PIK3CB: variants seen among roughly 807,000 people sequenced by gnomAD.
The protein encoded by PIK3CB is phosphatidylinositol 4,5-bisphosphate 3-kinase catalytic subunit beta isoform.
Under a neutral mutation model 136.8 loss-of-function variants are expected in PIK3CB, and 39 were observed. That is an observed-to-expected ratio of 0.29 (90% CI 0.22 to 0.37). The LOEUF (loss-of-function observed/expected upper bound fraction) is 0.37. Among genes scored for constraint, PIK3CB ranks in the 10% least tolerant of loss-of-function variants. The probability of loss-of-function intolerance (pLI) is 1.00; values close to 1 mark genes in which losing one functional copy is unlikely to be tolerated. For synonymous variants in PIK3CB, 428 were observed against 436.6 expected (o/e 0.98, Z 0.25); for missense variants, 868 against 1,275.4 (o/e 0.68, Z 4.87).
intron 1 of PIK3CB, among the ~76,000 whole-genome samples, chr3:138,814,508 C>T (rs1014881576): frequency 2.0e-5 from 3 of 151,738 alleles, no homozygotes; most frequent in African/African-American, 7.3e-5. Flanking sequence ...TCTTGGGTTT[C>T]AGTATCAGCC....
chr3:138,684,869 TATCA>T (rs2043851324), intron 16 of PIK3CB, 66 bp from the exon 17 acceptor site: 1 of 1,126,924 alleles, frequency 8.9e-7, no homozygotes, highest in Non-Finnish European at 1.3e-6. Context: ...CATGTGATCA[TATCA>T]ATCAATAACA....
At chr3:138,726,048 T>C (rs1263550816) in intron 8 of PIK3CB, among the ~76,000 whole-genome samples, 4 of 152,254 alleles carry the variant, frequency 2.6e-5, no homozygotes, top group African/African-American at 9.6e-5. Context: ...TTCTGTGAGC[T>C]ACAGTTCCGA....
intron 19 of PIK3CB, among the ~76,000 whole-genome samples, chr3:138,674,917 G>A (rs1464687567): frequency 6.6e-6 from 1 of 152,112 alleles, no homozygotes; most frequent in East Asian, 1.9e-4. Flanking sequence ...TTAGCCAGGA[G>A]TTGTAGTGGC....
At chr3:138,797,632 A>G (rs1350676783) in intron 1 of PIK3CB, among the ~76,000 whole-genome samples, 1 of 152,202 alleles carries the variant, frequency 6.6e-6, no homozygotes, top group African/African-American at 2.4e-5. Flanking sequence ...AAAAGTAAGA[A>G]AATTGGTGAA....
chr3:138,760,480 T>G (rs538999465), intron 2 of PIK3CB, among the ~76,000 whole-genome samples: 1 of 152,202 alleles, frequency 6.6e-6, no homozygotes, highest in African/African-American at 2.4e-5. Flanking sequence ...AATAGTGCCA[T>G]TTAAGTCTTA....
intron 1 of PIK3CB, among the ~76,000 whole-genome samples, chr3:138,830,251 T>C (rs554351017): frequency 2.0e-5 from 3 of 152,228 alleles, no homozygotes; most frequent in South Asian, 2.1e-4. Context: ...AGCCAAATTC[T>C]ATAAATAAAA....
chr3:138,752,685 G>A lies in PIK3CB; in HGVS notation c.397+3069C>T, dbSNP rs550362782. Among the ~76,000 whole-genome samples, 4 of 151,646 alleles carry A rather than the reference G, an allele frequency of 2.6e-5. No homozygotes were observed. In the South Asian group the frequency reaches 8.4e-4, roughly 32 times the overall value. On this transcript the variant is annotated intron_variant, in intron 4 of 23. Coordinates refer to ENST00000674063, the MANE Select transcript of PIK3CB (RefSeq NM_006219.3). ...AAAGGCGCCACTATGCTCCAGAGTG[G>A]GTGATAGAGTGAGACCTCGTCTCAA...
chr3:138,714,026 C>T (rs1027230141), intron 9 of PIK3CB, among the ~76,000 whole-genome samples: 1 of 152,140 alleles, frequency 6.6e-6, no homozygotes, highest in Non-Finnish European at 1.5e-5. Flanking sequence ...CACATTTATG[C>T]CCCAGACCCC....
At chr3:138,732,994 T>C (rs1026156109) in intron 8 of PIK3CB, among the ~76,000 whole-genome samples, 7 of 151,502 alleles carry the variant, frequency 4.6e-5, no homozygotes, top group African/African-American at 1.7e-4. Flanking sequence ...TCTAGAATTA[T>C]TCAACCAAGA....
chr3:138,767,708 C>T (rs2045751746), intron 2 of PIK3CB, among the ~76,000 whole-genome samples: 1 of 152,200 alleles, frequency 6.6e-6, no homozygotes, highest in Admixed American at 6.5e-5. Context: ...CAGGCAGCTC[C>T]AGGTGCCAGT....
At chr3:138,811,884 T>C (rs1029898943) in intron 1 of PIK3CB, among the ~76,000 whole-genome samples, 2 of 150,804 alleles carry the variant, frequency 1.3e-5, no homozygotes, top group Non-Finnish European at 3.0e-5. Context: ...AGCCCAGGAG[T>C]TCAAGACCAG....
chr3:138,803,794 T>C (rs1400266), intron 1 of PIK3CB, among the ~76,000 whole-genome samples: 51,713 of 151,908 alleles, frequency 0.34, 10,425 homozygotes, highest in Non-Finnish European at 0.46. Flanking sequence ...CATGAAGCTC[T>C]AAAATGCTTA....
intron 10 of PIK3CB, among the ~76,000 whole-genome samples, chr3:138,708,167 C>T (rs1473649151): frequency 1.3e-5 from 2 of 152,004 alleles, no homozygotes. Context: ...AGAATTATTT[C>T]CTAAAGCTGG....
At chr3:138,802,898 T>C (rs929449695) in intron 1 of PIK3CB, among the ~76,000 whole-genome samples, 4 of 152,176 alleles carry the variant, frequency 2.6e-5, no homozygotes, top group Admixed American at 2.0e-4. Flanking sequence ...AGGAAAATAT[T>C]CACACACTCT....
intron 2 of PIK3CB, among the ~76,000 whole-genome samples, chr3:138,781,710 C>T (rs1223929178): frequency 1.3e-5 from 2 of 152,116 alleles, no homozygotes; most frequent in Non-Finnish European, 2.9e-5. Context: ...CCGCCTCGGC[C>T]TCGCAAAGTG....
At chr3:138,800,892 C>T (rs569489979) in intron 1 of PIK3CB, among the ~76,000 whole-genome samples, 1 of 152,238 alleles carries the variant, frequency 6.6e-6, no homozygotes, top group South Asian at 2.1e-4. Context: ...TCCCAAAGTA[C>T]TGGGATTATA....
chr3:138,761,397 G>A (rs1004653635), intron 2 of PIK3CB, among the ~76,000 whole-genome samples: 40 of 152,196 alleles, frequency 2.6e-4, no homozygotes, highest in African/African-American at 9.7e-4. Context: ...GGAAGAAGAT[G>A]GTGGAAGGAC....
intron 1 of PIK3CB, among the ~76,000 whole-genome samples, chr3:138,805,425 C>T (rs756591951): frequency 3.3e-5 from 5 of 151,910 alleles, no homozygotes; most frequent in African/African-American, 4.8e-5. Flanking sequence ...AATCCAAGCA[C>T]TTTGGGAGGC....
chr3:138,706,920 T>G (rs2044389766), intron 11 of PIK3CB, among the ~76,000 whole-genome samples: 1 of 152,206 alleles, frequency 6.6e-6, no homozygotes, highest in Non-Finnish European at 1.5e-5. Context: ...GCTCCCAAAG[T>G]GCTGGGATTA....
Sources: gnomAD v4.1 joint callset for allele counts (sites outside exome capture counted in the v4.1 genomes callset) on GRCh38, gnomAD v4.1.1 for gene constraint, MANE v1.5 for transcripts, NCBI Gene and HGNC (gene_info 2026-07-23, HGNC 2026-07-21) for gene names.